Variants in IRX4 observed in about 807,000 individuals in gnomAD.
IRX4 encodes the protein iroquois-class homeodomain protein IRX-4.
A neutral mutation model predicts 32.0 loss-of-function variants in IRX4; 22 were observed. The observed-to-expected ratio is 0.69, with a 90% CI of 0.49 to 0.98. The LOEUF (loss-of-function observed/expected upper bound fraction) is 0.98, where lower values mean the gene tolerates loss of function less well. IRX4 is among the 50% of genes least tolerant of loss of function. The pLI is 0.00. For missense variants in IRX4, 840 were observed against 744.2 expected (o/e 1.13, Z -1.50); for synonymous variants, 379 against 351.7 (o/e 1.08, Z -0.87).
rs1735258125 is a variant in IRX4, at chr5:1,877,926, C to T, written c.*43G>A. On this transcript the variant is annotated 3_prime_UTR_variant, in exon 5 of 5. Transcript: ENST00000231357. ...CTCAGTGAAAAGAGTCGGCGCCGTC[C>T]GCCTGAGCGCGGGTTCCCTCCTGGG... 1.4e-6 allele frequency: 2 copies of T among 1,455,530 alleles called. No individual in the cohort carries two copies. Among genetic ancestry groups the T allele is most frequent in the Non-Finnish European group, 1.8e-6 (2 of 1,093,826 alleles). The allele number at this position is 1,455,530 out of a possible 1,614,324, so 90.2% of individuals were successfully genotyped here.
upstream of IRX4, among the ~76,000 whole-genome samples, chr5:1,885,353 C>T (rs557237848): frequency 6.6e-6 from 1 of 152,326 alleles, no homozygotes; most frequent in East Asian, 1.9e-4. Context: ...TGACCACCAC[C>T]GCCACCTTCT....
At chr5:1,886,278 T>A (rs931942498), upstream of IRX4, among the ~76,000 whole-genome samples, 3 of 152,228 alleles carry the variant, frequency 2.0e-5, no homozygotes, top group Non-Finnish European at 4.4e-5. Context: ...AGGGAGCTCC[T>A]TCCAGCCCAG....
At position 1,878,298 on chromosome 5, in the gene IRX4, C is replaced by G. The variant is rs1735280070; in HGVS notation, c.1231G>C (p.Ala411Pro). ...AAPAAVSSAP[A>P]TSPSVALPHS... ...GGAAGGGCCACAGACGGGGACGTGG[C>G]GGGCGCGGAGGACACAGCCGCAGGG... is the stretch of plus-strand genomic sequence containing the variant. The change falls in exon 5 of 5, where the codon GCC (alanine) becomes CCC (proline). Residue 411 changes from alanine to proline, a missense_variant. By Grantham distance (27) the Ala-to-Pro change is conservative. Coordinates refer to ENST00000231357, the MANE Select transcript of IRX4 (RefSeq NM_016358.3). 1 of 1,583,218 alleles carries G rather than the reference C, an allele frequency of 6.3e-7. No individual in the cohort carries two copies. The highest frequency in any genetic ancestry group is 1.2e-5 in the South Asian group (1 of 86,956).
chr5:1,880,964 G>A, intron 2 of IRX4, 130 bp from the exon 3 acceptor site: 1 of 733,076 alleles, frequency 1.4e-6, no homozygotes, highest in Non-Finnish European at 2.4e-6. Flanking sequence ...CGGCAGGAAG[G>A]AGCTGATTTC....
upstream of IRX4, among the ~76,000 whole-genome samples, chr5:1,885,245 A>G (rs1579258638): frequency 6.6e-6 from 1 of 152,110 alleles, no homozygotes; most frequent in African/African-American, 2.4e-5. Context: ...CCGAAGCCCC[A>G]GAACAGGCGG....
In IRX4 at chr5:1,878,498, G is replaced by C; in HGVS notation, c.1031C>G (p.Pro344Arg). 4 of 1,436,982 alleles carry C rather than the reference G, an allele frequency of 2.8e-6. No individual in the cohort carries two copies. Among genetic ancestry groups the C allele is most frequent in the Non-Finnish European group, 3.6e-6 (4 of 1,103,554 alleles). 89.0% of individuals were successfully genotyped at this position (1,436,982 alleles called of 1,614,324 possible). Residue 344 changes from proline to arginine, a missense_variant, in exon 5 of 5, where the codon CCT (proline) becomes CGT (arginine). By Grantham distance (103) the Pro-to-Arg change is moderately radical. Transcript: ENST00000231357. ...PEPLPGAEGG[P>R]QVCEAKLGFV... is the part of the protein sequence containing the mutation. Reference sequence around the variant, plus strand: ...CCCCAGCTTGGCCTCGCAGACCTGAGGGCCGCCCTCTGCGCCCGGCAGTGG... The same window carrying C: ...CCCCAGCTTGGCCTCGCAGACCTGACGGCCGCCCTCTGCGCCCGGCAGTGG...
upstream of IRX4, chr5:1,886,803 G>T (rs1273376257): frequency 6.6e-6 from 1 of 151,982 alleles, no homozygotes; most frequent in African/African-American, 2.4e-5. Flanking sequence ...AGCAAACTTT[G>T]TCCCCTTAAG....
At position 1,878,766 on chromosome 5, in the gene IRX4, G is replaced by A; in HGVS notation, c.763C>T (p.Leu255=). Residue 255 remains leucine (L), a synonymous_variant, in exon 5 of 5, where the codon CTG becomes TTG. Coordinates refer to ENST00000231357, the MANE Select transcript of IRX4 (RefSeq NM_016358.3). ...AEPVGKEEKE[L]ELSDLDDFDP... ...AAGTCGTCCAAGTCACTAAGCTCCA[G>A]CTCCTTCTCCTCTTTGCCCACGGGC... The A allele has an allele frequency of 6.2e-7, 1 of 1,613,296 alleles. No individual in the cohort carries two copies. The highest frequency in any genetic ancestry group is 8.5e-7 in the Non-Finnish European group (1 of 1,179,926).
At chr5:1,887,086 G>C (rs260399), upstream of IRX4, 54,485 of 151,162 alleles carry the variant, frequency 0.36, 9,931 homozygotes, top group African/African-American at 0.41. Flanking sequence ...GGCCGCTCCC[G>C]GCAGCCCGCG....
chr5:1,882,666 C>A lies in IRX4; in HGVS notation c.-19G>T. Reference sequence around the variant, plus strand: ...AGGACATGGCGGGCGCGGCCCGGGGCGGACGGGCGGGGCCTGCAGGGTTCT... The same window carrying A: ...AGGACATGGCGGGCGCGGCCCGGGGAGGACGGGCGGGGCCTGCAGGGTTCT... On this transcript the variant is annotated 5_prime_UTR_variant, in exon 1 of 5. Coordinates refer to ENST00000231357, the MANE Select transcript of IRX4 (RefSeq NM_016358.3). The A allele has an allele frequency of 1.5e-6, 2 of 1,376,144 alleles. No individual in the cohort carries two copies. Among genetic ancestry groups the A allele is most frequent in the Middle Eastern group, 2.7e-4 (1 of 3,756 alleles). 85.2% of individuals were successfully genotyped at this position (1,376,144 alleles called of 1,614,324 possible).
Position 1,877,792 on chromosome 5 carries a change from C to T in IRX4, c.*177G>A, listed in dbSNP as rs1735248473. ...GCTCAGGCCCAGGCGGTGGAGGCCC[C>T]GGCGTGGCAGCGCCGGGCTTGTCCA... is the stretch of plus-strand genomic sequence containing the variant. On this transcript the variant is annotated 3_prime_UTR_variant, in exon 5 of 5. Coordinates refer to ENST00000231357, the MANE Select transcript of IRX4 (RefSeq NM_016358.3). 4.8e-6 allele frequency: 3 copies of T among 625,594 alleles called. No homozygotes were observed. Among genetic ancestry groups the T allele is most frequent in the South Asian group, 2.2e-5 (1 of 45,342 alleles). The allele number at this position is 625,594 out of a possible 1,614,324, so 38.8% of individuals were successfully genotyped here. A position where few individuals can be genotyped will look rare whatever the true frequency, so the allele number is the denominator to read the frequency against.
At chr5:1,886,195 C>G (rs990591406), upstream of IRX4, among the ~76,000 whole-genome samples, 1 of 152,254 alleles carries the variant, frequency 6.6e-6, no homozygotes, top group African/African-American at 2.4e-5. Flanking sequence ...GACCCTTCTT[C>G]GGCCAGCCTA....
In IRX4 at chr5:1,878,642, G is replaced by A. The variant is rs200715313; in HGVS notation, c.887C>T (p.Pro296Leu). 8.2e-6 allele frequency: 13 copies of A among 1,591,684 alleles called. No homozygotes were observed. In the Admixed American group the frequency reaches 2.1e-4, roughly 26 times the overall value. ...GAGCGCGCCTGAGGCCTCCTTGACC[G>A]GGCCGTCGGGCGCGGCGGGGACGCG... Reference protein sequence around the residue: ...LERVPAAPDGPVKEASGALRM... With the variant: ...LERVPAAPDGLVKEASGALRM... Residue 296 changes from proline (P) to leucine (L), a missense_variant, in exon 5 of 5, where the codon CCG (proline) becomes CTG (leucine). Pro to Leu is a moderately conservative substitution (Grantham distance 98). Around this residue, in one of 3 missense-constraint regions of IRX4, gnomAD observed 585 missense variants for 488.0 expected, o/e 1.20. Coordinates refer to ENST00000231357, the MANE Select transcript of IRX4 (RefSeq NM_016358.3).
intron 1 of IRX4, 122 bp downstream of exon 1, chr5:1,882,481 C>T: frequency 4.6e-6 from 4 of 878,106 alleles, no homozygotes; most frequent in Non-Finnish European, 7.1e-6. Flanking sequence ...GGCGCGCGAC[C>T]CAGGCCTTGC....
At chr5:1,879,195 G>T (rs996572621) in intron 4 of IRX4, among the ~76,000 whole-genome samples, 2 of 151,950 alleles carry the variant, frequency 1.3e-5, no homozygotes, top group African/African-American at 4.8e-5. Flanking sequence ...GTTTCACCGT[G>T]TTAGCCAGGA....
Position 1,877,877 on chromosome 5 carries a change from G to T in IRX4, c.*92C>A. The T allele has an allele frequency of 1.6e-6, 2 of 1,218,218 alleles. No individual in the cohort carries two copies. The highest frequency in any genetic ancestry group is 2.3e-6 in the Non-Finnish European group (2 of 883,544). 75.5% of individuals were successfully genotyped at this position (1,218,218 alleles called of 1,614,324 possible). A position where few individuals can be genotyped will look rare whatever the true frequency, so the allele number is the denominator to read the frequency against. On this transcript the variant is annotated 3_prime_UTR_variant, in exon 5 of 5. Transcript: ENST00000231357. ...CCGGTGGGTTGGCGGCTTCGCGGTG[G>T]CCGCGCTAGTCTTCCTCTGGAAACT...
intron 2 of IRX4, 94 bp downstream of exon 2, chr5:1,881,714 C>T: frequency 5.4e-6 from 8 of 1,479,214 alleles, no homozygotes; most frequent in Non-Finnish European, 7.4e-6. Flanking sequence ...CTGTGACAGT[C>T]CGGGGACCCG....
chr5:1,878,620 C>T lies in IRX4; in HGVS notation c.909G>A (p.Ala303=), dbSNP rs1376933525. The T allele has an allele frequency of 6.4e-7, 1 of 1,570,504 alleles. No individual in the cohort carries two copies. Among genetic ancestry groups the T allele is most frequent in the Non-Finnish European group, 8.6e-7 (1 of 1,158,972 alleles). The part of the protein sequence containing the change: ...PDGPVKEASG[A]LRMSLAAGGG... ...CACCCGCGGCCAGAGACATCCGGAG[C>T]GCGCCTGAGGCCTCCTTGACCGGGC... The change falls in exon 5 of 5, where the codon GCG becomes GCA. Residue 303 remains alanine (A), a synonymous_variant. Coordinates refer to ENST00000231357, the MANE Select transcript of IRX4 (RefSeq NM_016358.3).
intron 3 of IRX4, chr5:1,880,170 G>GT: frequency 1.3e-6 from 2 of 1,518,750 alleles, no homozygotes; most frequent in Non-Finnish European, 1.8e-6. Context: ...GTATAGACAG[G>GT]TAAGCCCACA....
Sources: gnomAD v4.1 joint callset for allele counts (sites outside exome capture counted in the v4.1 genomes callset) on GRCh38, gnomAD v4.1.1 for gene constraint, gnomAD v4.1.1 regional missense constraint, MANE v1.5 for transcripts, NCBI Gene and HGNC (gene_info 2026-07-23, HGNC 2026-07-21) for gene names.